The following RPL10A variants were observed in gnomAD, a reference collection of about 807,000 sequenced individuals.
RPL10A encodes ribosomal protein L10a, also known as large ribosomal subunit protein uL1.
Under a neutral mutation model 24.6 loss-of-function variants are expected in RPL10A, and 11 were observed. The observed-to-expected ratio is 0.45, with a 90% CI of 0.28 to 0.74. RPL10A has a LOEUF of 0.74. Among genes scored for constraint, RPL10A ranks in the 30% least tolerant of loss-of-function variants. The pLI is 0.13. For missense variants in RPL10A, 136 were observed against 273.1 expected (o/e 0.50, Z 3.54); for synonymous variants, 98 against 108.5 (o/e 0.90, Z 0.60).
chr6:35,468,430 A>G lies in RPL10A; in HGVS notation c.-5A>G, dbSNP rs532337058. 1.9e-6 allele frequency: 3 copies of G among 1,613,912 alleles called. No individual in the cohort carries two copies. The highest frequency in any genetic ancestry group is 1.3e-5 in the African/African-American group (1 of 74,922). ...TCTTTTCCGGTTAGCGCGGCGTGAG[A>G]AGCCATGAGGTGAGTTGGTCCTGAA... On this transcript the variant is annotated 5_prime_UTR_variant, in exon 1 of 6. Transcript: ENST00000322203.
At position 35,470,359 on chromosome 6, in the gene RPL10A, G is replaced by A. The variant is rs1465156357; in HGVS notation, c.483+8G>A. The stretch of plus-strand genomic sequence containing the variant: ...AAGTTCCAAATGAAGAAGGTGAGTG[G>A]GTCTGGCGGGTTGCTATGGGTGAAG... On this transcript the variant is annotated splice_region_variant and intron_variant, in intron 5 of 5. Coordinates refer to ENST00000322203, the MANE Select transcript of RPL10A (RefSeq NM_007104.5). The surrounding 1 kb of genome is among the most constrained non-coding windows in gnomAD (Gnocchi z 4.6). The A allele has an allele frequency of 6.3e-7, 1 of 1,598,898 alleles. No homozygotes were observed. The highest frequency in any genetic ancestry group is 8.5e-7 in the Non-Finnish European group (1 of 1,177,236).
rs1767965527 is a variant in RPL10A at position 35,469,171 on chromosome 6, G to C, written c.161+144G>C. Reference sequence around the variant, plus strand: ...CCCCTGCTCCGGGCAGGCGCGGCTGGACGGACCCCCACCCTGGGTCTTAAA... The same window carrying C: ...CCCCTGCTCCGGGCAGGCGCGGCTGCACGGACCCCCACCCTGGGTCTTAAA... On this transcript the variant is annotated intron_variant, in intron 3 of 5. Transcript: ENST00000322203. The C allele has an allele frequency of 4.1e-6, 6 of 1,472,440 alleles. No individual in the cohort carries two copies. The South Asian group carries it at 8.4e-5, about 21-fold the overall frequency. 91.2% of individuals were successfully genotyped at this position (1,472,440 alleles called of 1,614,324 possible). A position where few individuals can be genotyped will look rare whatever the true frequency, so the allele number is the denominator to read the frequency against.
chr6:35,469,667 G>C (rs1005862314), intron 4 of RPL10A, 138 bp downstream of exon 4: 6 of 1,025,162 alleles, frequency 5.9e-6, no homozygotes, highest in Non-Finnish European at 8.3e-6. Flanking sequence ...GCTTGCCTGA[G>C]TGCTGTTTTA....
intron 1 of RPL10A, 84 bp from the exon 2 acceptor site, chr6:35,468,715 C>A: frequency 6.5e-7 from 1 of 1,540,898 alleles, no homozygotes. Context: ...CCGCCCGTCT[C>A]GAAGCCTAGA....
At chr6:35,469,586 G>A (rs1415240759) in intron 4 of RPL10A, 57 bp downstream of exon 4, 3 of 1,550,684 alleles carry the variant, frequency 1.9e-6, no homozygotes, top group Admixed American at 2.1e-5. Flanking sequence ...CGGTAGAAAG[G>A]CTTTTCTGCC....
intron 3 of RPL10A, 86 bp from the exon 4 acceptor site, chr6:35,469,295 G>A (rs1767971191): frequency 6.6e-7 from 1 of 1,510,898 alleles, no homozygotes; most frequent in Non-Finnish European, 8.8e-7. Context: ...GGTAAGGCTC[G>A]GTGGCTGCTG....
intron 4 of RPL10A, 33 bp downstream of exon 4, chr6:35,469,562 A>G: frequency 6.2e-7 from 1 of 1,604,294 alleles, no homozygotes; most frequent in Non-Finnish European, 8.5e-7. Context: ...TGCATGTGAG[A>G]TGTGTGGTGG....
intron 1 of RPL10A, 167 bp from the exon 2 acceptor site, chr6:35,468,632 C>T (rs1407930264): frequency 1.3e-6 from 2 of 1,521,250 alleles, no homozygotes; most frequent in African/African-American, 1.4e-5. Context: ...TCCACCGGGG[C>T]TTGGGTCTGG....
rs933989336 is a variant in RPL10A at position 35,468,879 on chromosome 6, T to G, written c.80+6T>G. The G allele has an allele frequency of 1.9e-6, 3 of 1,612,894 alleles. No individual in the cohort carries two copies. The highest frequency in any genetic ancestry group is 2.5e-6 in the Non-Finnish European group (3 of 1,179,510). ...AACCAGCGCAAGCGCCGCAAGTGAGTGCCGACCCTGGGGCACGGCGCGGGT... is the reference window on the plus strand; with the variant it reads ...AACCAGCGCAAGCGCCGCAAGTGAGGGCCGACCCTGGGGCACGGCGCGGGT... On this transcript the variant is annotated splice_donor_region_variant and intron_variant, in intron 2 of 5. Transcript: ENST00000322203.
chr6:35,468,768 C>T, intron 1 of RPL10A, 31 bp from the exon 2 acceptor site: 1 of 1,563,378 alleles, frequency 6.4e-7, no homozygotes, highest in African/African-American at 1.4e-5. Flanking sequence ...GACTCCGCGG[C>T]CCTGAGCGCC....
chr6:35,468,758 G>C (rs754989710), intron 1 of RPL10A, 41 bp from the exon 2 acceptor site: 33 of 1,557,258 alleles, frequency 2.1e-5, no homozygotes, highest in Non-Finnish European at 2.9e-5. Context: ...CGAGCGTGTG[G>C]ACTCCGCGGC....
At position 35,470,454 on chromosome 6, in the gene RPL10A, C is replaced by CTT. The variant is rs1177840906; in HGVS notation, c.483+106_483+107dup. 4.7e-6 allele frequency: 7 copies of CTT among 1,502,956 alleles called. No homozygotes were observed. In the East Asian group the frequency reaches 1.6e-4, roughly 34 times the overall value. The allele number at this position is 1,502,956 out of a possible 1,614,324, so 93.1% of individuals were successfully genotyped here. On this transcript the variant is annotated intron_variant, in intron 5 of 5. Coordinates refer to ENST00000322203, the MANE Select transcript of RPL10A (RefSeq NM_007104.5). The surrounding 1 kb of genome is among the most constrained non-coding windows in gnomAD (Gnocchi z 4.6). ...GTAAGAGCACCCACCAGGATTGAAA[C>CTT]TTTTGGAGTAACCCTGGTCTTGGCC...
rs949090768 is a variant in RPL10A at position 35,469,186 on chromosome 6, T to C, written c.161+159T>C. 2.7e-5 allele frequency: 40 copies of C among 1,466,106 alleles called. No homozygotes were observed. In the African/African-American group the frequency reaches 5.0e-4, roughly 18 times the overall value. The allele number at this position is 1,466,106 out of a possible 1,614,324, so 90.8% of individuals were successfully genotyped here. The stretch of plus-strand genomic sequence containing the variant: ...GGCGCGGCTGGACGGACCCCCACCC[T>C]GGGTCTTAAAACATGAGGGGAGGCG... On this transcript the variant is annotated intron_variant, in intron 3 of 5. Coordinates refer to ENST00000322203, the MANE Select transcript of RPL10A (RefSeq NM_007104.5).
chr6:35,468,703 G>A lies in RPL10A; in HGVS notation c.6-96G>A, dbSNP rs984919712. 2.0e-6 allele frequency: 3 copies of A among 1,534,308 alleles called. No homozygotes were observed. In the East Asian group the frequency reaches 7.4e-5, roughly 38 times the overall value. ...TCTACGGGGGAGTCCGCCGTGGGCC[G>A]CCCGCCCGTCTCGAAGCCTAGACCT... On this transcript the variant is annotated intron_variant, in intron 1 of 5. Transcript: ENST00000322203.
chr6:35,468,889 G>C lies in RPL10A; in HGVS notation c.80+16G>C. On this transcript the variant is annotated intron_variant, in intron 2 of 5. Coordinates refer to ENST00000322203, the MANE Select transcript of RPL10A (RefSeq NM_007104.5). ...AGCGCCGCAAGTGAGTGCCGACCCT[G>C]GGGCACGGCGCGGGTGGCGAGGGCC... 2 of 1,613,202 alleles carry C rather than the reference G, an allele frequency of 1.2e-6. No individual in the cohort carries two copies. The highest frequency in any genetic ancestry group is 1.3e-5 in the African/African-American group (1 of 75,044).
intron 1 of RPL10A, 106 bp downstream of exon 1, chr6:35,468,545 C>T (rs1767915062): frequency 1.9e-6 from 3 of 1,606,912 alleles, no homozygotes; most frequent in Non-Finnish European, 2.5e-6. Context: ...GCCACCTGCG[C>T]CGCGGGGCAT....
Position 35,468,931 on chromosome 6 carries a change from C to T in RPL10A, c.81-16C>T. 3 of 1,613,870 alleles carry T rather than the reference C, an allele frequency of 1.9e-6. No homozygotes were observed. The highest frequency in any genetic ancestry group is 2.5e-6 in the Non-Finnish European group (3 of 1,179,882). On this transcript the variant is annotated splice_polypyrimidine_tract_variant and intron_variant, in intron 2 of 5. Coordinates refer to ENST00000322203, the MANE Select transcript of RPL10A (RefSeq NM_007104.5). ...GCGAGGGCCGGCGGGTGCTTAACCC[C>T]CCTCCTCTCTCGAAGGTTCCTGGAG...
intron 1 of RPL10A, 112 bp downstream of exon 1, chr6:35,468,551 G>C (rs1396700679): frequency 1.2e-6 from 2 of 1,604,792 alleles, no homozygotes; most frequent in African/African-American, 1.3e-5. Flanking sequence ...TGCGCCGCGG[G>C]GCATTTCTCA....
Position 35,468,821 on chromosome 6 carries a change from C to T in RPL10A, c.28C>T (p.Leu10=), listed in dbSNP as rs750725830. Residue 10 remains leucine, a synonymous_variant, in exon 2 of 6, where the codon CTG becomes TTG. Transcript: ENST00000322203. Reference sequence around the variant, plus strand: ...CAGCAGCAAAGTCTCTCGCGACACCCTGTACGAGGCGGTGCGGGAAGTCCT... The same window carrying T: ...CAGCAGCAAAGTCTCTCGCGACACCTTGTACGAGGCGGTGCGGGAAGTCCT... MSSKVSRDT[L]YEAVREVLHG... The T allele has an allele frequency of 3.1e-6, 5 of 1,608,448 alleles. No homozygotes were observed. The highest frequency in any genetic ancestry group is 3.4e-5 in the Admixed American group (2 of 59,288).
Sources: allele counts gnomAD v4.1 joint callset, GRCh38; gene constraint gnomAD v4.1.1; non-coding constraint Gnocchi (gnomAD v3.1); transcripts MANE v1.5; gene names NCBI Gene and HGNC (gene_info 2026-07-23, HGNC 2026-07-21).